Variants in SYTL3 observed in about 807,000 individuals in gnomAD.
The protein encoded by SYTL3 is synaptotagmin-like protein 3.
In SYTL3, 88 loss-of-function variants were observed where a neutral mutation model predicts 82.1. The ratio of observed to expected loss-of-function variants is 1.07; its 90% CI spans 0.90 to 1.28. SYTL3 has a LOEUF of 1.28. SYTL3 is among the 50% of genes most tolerant of loss of function. The pLI is 0.00. For synonymous variants in SYTL3, 311 were observed against 289.4 expected, an observed-to-expected ratio of 1.07 and a Z score of -0.76; for missense variants, 831 against 757.6, an observed-to-expected ratio of 1.10 and a Z score of -1.14.
In SYTL3 at chr6:158,760,736, G is replaced by A. The variant is rs759080296; in HGVS notation, c.1405G>A (p.Ala469Thr). The A allele has an allele frequency of 6.2e-7, 1 of 1,613,674 alleles. No homozygotes were observed. Among genetic ancestry groups the A allele is most frequent in the East Asian group, 2.2e-5 (1 of 44,878 alleles). The change falls in exon 15 of 18, where the codon GCT becomes ACT. Residue 469 changes from alanine to threonine, a missense_variant. Physicochemically the swap from Ala to Thr is moderately conservative, Grantham distance 58 (BLOSUM62 0). Coordinates refer to ENST00000611299, the MANE Select transcript of SYTL3 (RefSeq NM_001242394.2). Reference protein sequence around the residue: ...LPSRPRKLQEAQEGTDQPSLH... With the variant: ...LPSRPRKLQETQEGTDQPSLH... The stretch of plus-strand genomic sequence containing the variant: ...TTCACGGCCCAGAAAACTCCAAGAG[G>A]CTCAAGAAGGTCAGTGGCCTCCAGC...
chr6:158,734,354 C>G (rs1048542858), intron 11 of SYTL3, among the ~76,000 whole-genome samples: 3 of 152,068 alleles, frequency 2.0e-5, no homozygotes, highest in African/African-American at 4.8e-5. Context: ...GAATCACATC[C>G]TTGTAGCCCT....
intron 11 of SYTL3, among the ~76,000 whole-genome samples, chr6:158,734,835 C>T (rs1785925800): frequency 1.3e-5 from 2 of 152,164 alleles, no homozygotes; most frequent in African/African-American, 2.4e-5. Context: ...TCATAGTTAC[C>T]ATTTATTGAA....
rs768575642 is a variant in SYTL3, at chr6:158,763,525, T to C, written c.1723+16T>C. 35 of 1,608,272 alleles carry C rather than the reference T, an allele frequency of 2.2e-5. No individual in the cohort carries two copies. Among genetic ancestry groups the C allele is most frequent in the Non-Finnish European group, 2.9e-5 (34 of 1,174,742 alleles). On this transcript the variant is annotated intron_variant, in intron 17 of 17. Transcript: ENST00000611299. ...CTTGGTTCAAGTAAGTCTGAGACAT[T>C]GAGCCCAAACGTTTATACTTTGTGA...
intron 2 of SYTL3, among the ~76,000 whole-genome samples, chr6:158,655,679 G>A (rs149151752): frequency 9.8e-5 from 15 of 152,330 alleles, no homozygotes; most frequent in African/African-American, 3.6e-4. Context: ...TATGAGCTGA[G>A]CACTGTGCTC....
intron 11 of SYTL3, among the ~76,000 whole-genome samples, chr6:158,742,941 A>C (rs1257265159): frequency 6.6e-6 from 1 of 152,068 alleles, no homozygotes; most frequent in Non-Finnish European, 1.5e-5. Flanking sequence ...CCAGTTCAGC[A>C]AACGCCTTGA....
chr6:158,757,348 A>G lies in SYTL3; in HGVS notation c.1275A>G (p.Thr425=), dbSNP rs1190728576. Residue 425 remains threonine, a synonymous_variant, in exon 14 of 18, where the codon ACA becomes ACG. Transcript: ENST00000611299. ...CGTGGGACTTTGAAGACAGCACAACACAGTCCTTCCGCTGGCATCCGCTCC... is the reference window on the plus strand; with the variant it reads ...CGTGGGACTTTGAAGACAGCACAACGCAGTCCTTCCGCTGGCATCCGCTCC... ...LATWDFEDST[T]QSFRWHPLRA... The G allele has an allele frequency of 6.2e-7, 1 of 1,613,832 alleles. No individual in the cohort carries two copies. The highest frequency in any genetic ancestry group is 8.5e-7 in the Non-Finnish European group (1 of 1,179,914).
Position 158,665,543 on chromosome 6 carries a change from G to T in SYTL3, c.259G>T (p.Val87Leu), listed in dbSNP as rs747197609. 308 of 1,587,556 alleles carry T rather than the reference G, an allele frequency of 1.9e-4. No individual in the cohort carries two copies. The highest frequency in any genetic ancestry group is 2.6e-4 in the Non-Finnish European group (299 of 1,167,932). The change falls in exon 5 of 18, where the codon GTG becomes TTG. Residue 87 changes from valine to leucine, a missense_variant. Coordinates refer to ENST00000611299, the MANE Select transcript of SYTL3 (RefSeq NM_001242394.2). ...CGTGTGCCGGGGCTGCAGCCACCGC[G>T]TGTGTGCCCAGTGCCGAGTGTTCCT... ...GAVCRGCSHR[V>L]CAQCRVFLRG...
At chr6:158,702,095 C>A (rs764174183) in intron 6 of SYTL3, among the ~76,000 whole-genome samples, 1 of 151,938 alleles carries the variant, frequency 6.6e-6, no homozygotes, top group African/African-American at 2.4e-5. Context: ...ACCTCAGCCT[C>A]CTGAGTAGCT....
intron 8 of SYTL3, among the ~76,000 whole-genome samples, chr6:158,710,367 C>T (rs189448222): frequency 2.3e-3 from 351 of 152,206 alleles, no homozygotes; most frequent in Non-Finnish European, 3.9e-3. Context: ...ATACAGTCAC[C>T]CAAACAGCTG....
intron 6 of SYTL3, among the ~76,000 whole-genome samples, chr6:158,691,614 A>G (rs1779874436): frequency 6.6e-6 from 1 of 152,068 alleles, no homozygotes; most frequent in Admixed American, 6.5e-5. Flanking sequence ...CTTGATGTAC[A>G]AGCTTAAAAG....
At chr6:158,710,900 C>T (rs1782694711) in intron 8 of SYTL3, among the ~76,000 whole-genome samples, 1 of 152,124 alleles carries the variant, frequency 6.6e-6, no homozygotes, top group Admixed American at 6.5e-5. Flanking sequence ...CCTGCCTCAA[C>T]CTCCTGAGTA....
intron 6 of SYTL3, among the ~76,000 whole-genome samples, chr6:158,689,133 G>T (rs74605108): frequency 0.094 from 14,358 of 152,144 alleles, 2,022 homozygotes; most frequent in African/African-American, 0.31. Flanking sequence ...AAGTTTATAA[G>T]GTTATTAAAA....
intron 13 of SYTL3, among the ~76,000 whole-genome samples, chr6:158,753,456 C>T (rs1040651863): frequency 6.6e-6 from 1 of 151,034 alleles, no homozygotes; most frequent in Non-Finnish European, 1.5e-5. Flanking sequence ...CTGGGCCGGG[C>T]GCGGTGGCTC....
upstream of SYTL3, among the ~76,000 whole-genome samples, chr6:158,645,600 A>C (rs550984242): frequency 1.3e-5 from 2 of 152,304 alleles, no homozygotes; most frequent in South Asian, 4.1e-4. Context: ...CAAATCCCAC[A>C]TCTAATCCAT....
At chr6:158,715,430 C>A (rs956085135) in intron 9 of SYTL3, among the ~76,000 whole-genome samples, 1 of 152,192 alleles carries the variant, frequency 6.6e-6, no homozygotes, top group East Asian at 1.9e-4. Context: ...CAGGTGGCCA[C>A]CCCAGAGCCT....
intron 5 of SYTL3, among the ~76,000 whole-genome samples, chr6:158,666,693 A>C (rs901097707): frequency 6.6e-6 from 1 of 152,234 alleles, no homozygotes; most frequent in Non-Finnish European, 1.5e-5. Context: ...AGGCACTTAC[A>C]CAGTGTGGGC....
chr6:158,701,012 G>A (rs937925571), intron 6 of SYTL3, among the ~76,000 whole-genome samples: 1 of 152,208 alleles, frequency 6.6e-6, no homozygotes, highest in Non-Finnish European at 1.5e-5. Context: ...CTCAAAAAGG[G>A]GAGAGACAGA....
rs376327861 is a variant in SYTL3 at position 158,738,375 on chromosome 6, A to G, written c.856-7105A>G. ...AAAAGAATCAGTTTGAAATTTCCCAATCCTCCTGATAGCAAAATTAACCAA... is the reference window on the plus strand; with the variant it reads ...AAAAGAATCAGTTTGAAATTTCCCAGTCCTCCTGATAGCAAAATTAACCAA... On this transcript the variant is annotated intron_variant, in intron 11 of 17. Transcript: ENST00000611299. 1.1e-4 allele frequency among the ~76,000 whole-genome samples: 17 copies of G among 152,174 alleles called. 1 individual carries two copies. In the East Asian group the frequency reaches 2.5e-3, roughly 22 times the overall value.
At position 158,743,598 on chromosome 6, in the gene SYTL3, C is replaced by CTTTTTTTTT. The variant is rs397887964; in HGVS notation, c.856-1863_856-1855dup. Among the ~76,000 whole-genome samples the CTTTTTTTTT allele has an allele frequency of 1.4e-4, 9 of 63,080 alleles. 2 individuals are homozygous for CTTTTTTTTT. The highest frequency in any genetic ancestry group is 2.1e-4 in the Non-Finnish European group (7 of 33,742). 41.4% of individuals were successfully genotyped at this position (63,080 alleles called of 152,430 possible). A position where few individuals can be genotyped will look rare whatever the true frequency, so the allele number is the denominator to read the frequency against. ...ACTCATGCTGGTGCACCAGTCCAAG[C>CTTTTTTTTT]TTTTTTTTTTTTTTTTTTTTTTTTT... On this transcript the variant is annotated intron_variant, in intron 11 of 17. Coordinates refer to ENST00000611299, the MANE Select transcript of SYTL3 (RefSeq NM_001242394.2).
Sources: allele counts gnomAD v4.1 joint callset (sites outside exome capture counted in the v4.1 genomes callset), GRCh38; gene constraint gnomAD v4.1.1; transcripts MANE v1.5; gene names NCBI Gene and HGNC (gene_info 2026-07-23, HGNC 2026-07-21).